The following DENND1A variants were observed in gnomAD, a reference collection of about 807,000 sequenced individuals.
DENND1A encodes the protein DENN domain containing 1A, also known as DENN domain-containing protein 1A.
In DENND1A, 51 loss-of-function variants were observed where a neutral mutation model predicts 113.7. That is an observed-to-expected ratio of 0.45 (90% CI 0.36 to 0.57). The LOEUF (loss-of-function observed/expected upper bound fraction) is 0.57. Ranked by LOEUF, DENND1A falls within the 20% of genes least tolerant of loss-of-function variation. The probability of loss-of-function intolerance (pLI) is 0.00; values close to 1 mark genes in which losing one functional copy is unlikely to be tolerated. For synonymous variants in DENND1A, 565 were observed against 570.8 expected (o/e 0.99, Z 0.14); for missense variants, 1,258 against 1,395.9 (o/e 0.90, Z 1.57).
At chr9:123,821,690 T>G (rs1302551672) in intron 2 of DENND1A, among the ~76,000 whole-genome samples, 1 of 152,234 alleles carries the variant, frequency 6.6e-6, no homozygotes, top group Non-Finnish European at 1.5e-5. Context: ...AACAGACCAC[T>G]TAACAGCACT....
At chr9:123,685,259 C>T (rs532310143) in intron 5 of DENND1A, among the ~76,000 whole-genome samples, 2 of 152,172 alleles carry the variant, frequency 1.3e-5, no homozygotes, top group South Asian at 2.1e-4. Flanking sequence ...AAACACAATC[C>T]TCTTTGGGAG....
rs1227402660 is a variant in DENND1A, at chr9:123,435,543, C to T, written c.1488+4817G>A. ...AGATGGGAGAAGAACAGAGGCAGCA[C>T]CTTTCAATACATGCTTTTTGCAATC... On this transcript the variant is annotated intron_variant, in intron 19 of 23. Transcript: ENST00000394215. 2.0e-5 allele frequency among the ~76,000 whole-genome samples: 3 copies of T among 152,220 alleles called. No homozygotes were observed. The East Asian group carries it at 5.8e-4, about 29-fold the overall frequency.
At chr9:123,494,978 G>A (rs2051734318) in intron 13 of DENND1A, among the ~76,000 whole-genome samples, 1 of 152,086 alleles carries the variant, frequency 6.6e-6, no homozygotes, top group African/African-American at 2.4e-5. Context: ...TTTTAGTAGA[G>A]ACGGGGTTTT....
At chr9:123,475,271 G>A (rs956151249) in intron 13 of DENND1A, among the ~76,000 whole-genome samples, 26 of 152,114 alleles carry the variant, frequency 1.7e-4, no homozygotes, top group African/African-American at 5.6e-4. Context: ...CGCCCACCTC[G>A]GCCTCCCAAA....
At chr9:123,743,688 C>G (rs1017871590) in intron 5 of DENND1A, among the ~76,000 whole-genome samples, 1 of 150,298 alleles carries the variant, frequency 6.7e-6, no homozygotes, top group African/African-American at 2.5e-5. Context: ...GCTGAGACCA[C>G]GCAATTGCAC....
At chr9:123,695,243 A>C (rs1215595133) in intron 5 of DENND1A, among the ~76,000 whole-genome samples, 1 of 152,128 alleles carries the variant, frequency 6.6e-6, no homozygotes, top group African/African-American at 2.4e-5. Context: ...AAAGTTCTCT[A>C]AGAATATAAG....
chr9:123,810,945 G>A (rs1836489878), intron 2 of DENND1A, among the ~76,000 whole-genome samples: 1 of 151,754 alleles, frequency 6.6e-6, no homozygotes, highest in African/African-American at 2.4e-5. Context: ...ATTTAGTAGA[G>A]ACAGGGTTTC....
intron 1 of DENND1A, among the ~76,000 whole-genome samples, chr9:123,902,172 C>CAT (rs1417341808): frequency 8.1e-6 from 1 of 123,260 alleles, no homozygotes; most frequent in East Asian, 2.1e-4. Context: ...CACACACACA[C>CAT]ATACACACAC....
chr9:123,904,956 A>G (rs1852478984), intron 1 of DENND1A, among the ~76,000 whole-genome samples: 1 of 152,200 alleles, frequency 6.6e-6, no homozygotes, highest in African/African-American at 2.4e-5. Context: ...GCAGCCAGAG[A>G]GAAAGGTCGG....
chr9:123,693,633 G>A (rs1004469081), intron 5 of DENND1A, among the ~76,000 whole-genome samples: 5 of 151,496 alleles, frequency 3.3e-5, no homozygotes, highest in Admixed American at 1.3e-4. Flanking sequence ...TTCCCTGACT[G>A]CTGACCAATG....
At chr9:123,429,929 A>C (rs2046012590) in intron 19 of DENND1A, among the ~76,000 whole-genome samples, 1 of 152,202 alleles carries the variant, frequency 6.6e-6, no homozygotes, top group African/African-American at 2.4e-5. Flanking sequence ...AATGGGAGAA[A>C]ATTTTTGCAA....
chr9:123,503,969 A>T (rs565560884), intron 13 of DENND1A, among the ~76,000 whole-genome samples: 5 of 152,230 alleles, frequency 3.3e-5, no homozygotes, highest in African/African-American at 1.2e-4. Flanking sequence ...GGCTCTTTTT[A>T]TTCAAAGAAT....
At chr9:123,859,762 G>A (rs1221700699) in intron 2 of DENND1A, among the ~76,000 whole-genome samples, 2 of 152,114 alleles carry the variant, frequency 1.3e-5, no homozygotes, top group African/African-American at 2.4e-5. Flanking sequence ...ACATTTGGGG[G>A]AAGCCAAATA....
At chr9:123,628,784 T>G (rs1033006015) in intron 10 of DENND1A, among the ~76,000 whole-genome samples, 1 of 152,160 alleles carries the variant, frequency 6.6e-6, no homozygotes, top group Non-Finnish European at 1.5e-5. Flanking sequence ...GTTCAGCCAT[T>G]GATGAATCAA....
chr9:123,899,972 T>C (rs1588144057), intron 1 of DENND1A, among the ~76,000 whole-genome samples: 1 of 152,328 alleles, frequency 6.6e-6, no homozygotes, highest in Middle Eastern at 3.4e-3. Context: ...GACTTTGTAT[T>C]CTAGTCACAA....
At chr9:123,589,712 A>T (rs1405497175) in intron 11 of DENND1A, among the ~76,000 whole-genome samples, 2 of 151,430 alleles carry the variant, frequency 1.3e-5, no homozygotes, top group Non-Finnish European at 2.9e-5. Flanking sequence ...CATTTCTTAC[A>T]TAGAGAAACA....
At chr9:123,441,296 A>T (rs1023448772) in intron 18 of DENND1A, among the ~76,000 whole-genome samples, 1 of 152,236 alleles carries the variant, frequency 6.6e-6, no homozygotes, top group African/African-American at 2.4e-5. Context: ...TACTTTAATT[A>T]TGAGTATGGA....
chr9:123,528,319 T>C (rs936457866), intron 13 of DENND1A, among the ~76,000 whole-genome samples: 1 of 152,206 alleles, frequency 6.6e-6, no homozygotes, highest in African/African-American at 2.4e-5. Context: ...GCTTCTCCAG[T>C]ATACTGTTCT....
At chr9:123,530,553 C>A (rs1220247991) in intron 13 of DENND1A, among the ~76,000 whole-genome samples, 1 of 152,132 alleles carries the variant, frequency 6.6e-6, no homozygotes, top group Non-Finnish European at 1.5e-5. Flanking sequence ...AAAGTAAACT[C>A]ATGGGAAAAT....
Sources: gnomAD v4.1 joint callset for allele counts (sites outside exome capture counted in the v4.1 genomes callset) on GRCh38, gnomAD v4.1.1 for gene constraint, MANE v1.5 for transcripts, NCBI Gene and HGNC (gene_info 2026-07-23, HGNC 2026-07-21) for gene names.